TLK1: variants seen among roughly 807,000 people sequenced by gnomAD.
TLK1 encodes the protein tousled like kinase 1, also known as serine/threonine-protein kinase tousled-like 1.
TLK1 carries 24 observed loss-of-function variants against 105.3 expected under a neutral mutation model. That is an observed-to-expected ratio of 0.23 (90% CI 0.17 to 0.32). The LOEUF is 0.32. Among genes scored for constraint, TLK1 ranks in the 10% least tolerant of loss-of-function variants. TLK1 has a pLI of 1.00. For missense variants in TLK1, 558 were observed against 910.5 expected (o/e 0.61, Z 4.98); for synonymous variants, 321 against 310.4 (o/e 1.03, Z -0.36).
Position 171,195,679 on chromosome 2 carries a change from ATTT to A in TLK1, c.-6+35463_-6+35465del, listed in dbSNP as rs1693260072. ...GTAAAATATTGTCTTCTTACATCTCATTTTGGTGGAGCATGTGGATAAACACCT... is the reference window on the plus strand; with the variant it reads ...GTAAAATATTGTCTTCTTACATCTCATGGTGGAGCATGTGGATAAACACCT... On this transcript the variant is annotated intron_variant, in intron 1 of 20. Coordinates refer to the TLK1 transcript ENST00000521943. Among the ~76,000 whole-genome samples, 4 of 152,124 alleles carry A rather than the reference ATTT, an allele frequency of 2.6e-5. No individual in the cohort carries two copies. In the South Asian group the frequency reaches 6.2e-4, roughly 24 times the overall value.
At chr2:171,149,099 C>CTTTTTTTTTTTTTT (rs11335300) in intron 1 of TLK1, among the ~76,000 whole-genome samples, 5 of 57,892 alleles carry the variant, frequency 8.6e-5, no homozygotes, top group Non-Finnish European at 1.5e-4. Flanking sequence ...AATTACTTTT[C>CTTTTTTTTTTTTTT]TTTTTTTTTT....
intron 1 of TLK1, among the ~76,000 whole-genome samples, chr2:171,134,963 CA>C (rs1353348334): frequency 6.6e-6 from 1 of 151,794 alleles, no homozygotes; most frequent in Non-Finnish European, 1.5e-5. Flanking sequence ...ACTTAGAGGA[CA>C]AAGTAAAATA....
chr2:171,059,880 G>C (rs568094801), intron 4 of TLK1: 1 of 969,846 alleles, frequency 1.0e-6, no homozygotes, highest in Non-Finnish European at 1.7e-6. Context: ...TGATCTGACA[G>C]GAGGCCGAGC....
intron 14 of TLK1, among the ~76,000 whole-genome samples, chr2:171,007,502 A>C (rs1684702582): frequency 6.6e-6 from 1 of 152,020 alleles, no homozygotes; most frequent in African/African-American, 2.4e-5. Context: ...AAAATTAAAA[A>C]GTTCCTAACA....
intron 2 of TLK1, among the ~76,000 whole-genome samples, chr2:171,088,159 T>C (rs545116909): frequency 1.3e-5 from 2 of 151,974 alleles, no homozygotes; most frequent in East Asian, 1.9e-4. Flanking sequence ...GGTGAAACCC[T>C]GTCCCTACAG....
chr2:171,219,876 C>T (rs1020133244), intron 1 of TLK1, among the ~76,000 whole-genome samples: 8 of 152,308 alleles, frequency 5.3e-5, no homozygotes, highest in Non-Finnish European at 1.0e-4. Context: ...GCTGGGATTA[C>T]AGGTGTGAGC....
Position 170,991,997 on chromosome 2 carries a change from A to G in TLK1, c.*1783T>C, listed in dbSNP as rs1683805663. 6.6e-6 allele frequency: 1 copy of G among 152,092 alleles called. No individual in the cohort carries two copies. The highest frequency in any genetic ancestry group is 1.5e-5 in the Non-Finnish European group (1 of 67,980). 9.4% of individuals were successfully genotyped at this position (152,092 alleles called of 1,614,324 possible). A position where few individuals can be genotyped will look rare whatever the true frequency, so the allele number is the denominator to read the frequency against. ...TGGTTCTAAGTGTTACTTACCCAGG[A>G]GTTGCCTTGATAATGGTTATTAGGT... On this transcript the variant is annotated 3_prime_UTR_variant, in exon 21 of 21. Transcript: ENST00000431350.
chr2:171,036,781 G>A (rs1184010930), intron 11 of TLK1, among the ~76,000 whole-genome samples: 1 of 152,140 alleles, frequency 6.6e-6, no homozygotes, highest in African/African-American at 2.4e-5. Flanking sequence ...ATTGAACTTT[G>A]AGCTTATGGG....
At chr2:171,056,588 C>T (rs1466135815) in intron 5 of TLK1, 22 bp from the exon 6 acceptor site, 1 of 1,587,308 alleles carries the variant, frequency 6.3e-7, no homozygotes, top group Non-Finnish European at 8.6e-7. Flanking sequence ...AAAAAGGAAG[C>T]ATTATTATTT....
At chr2:171,109,766 GTATA>G (rs1682561036) in intron 2 of TLK1, among the ~76,000 whole-genome samples, 5 of 152,160 alleles carry the variant, frequency 3.3e-5, no homozygotes. Flanking sequence ...CATAACTGTG[GTATA>G]TCCATACAGT....
In TLK1 at chr2:171,220,711, T is replaced by C. The variant is rs1693792554; in HGVS notation, c.-6+10434A>G. Among the ~76,000 whole-genome samples, 5 of 152,068 alleles carry C rather than the reference T, an allele frequency of 3.3e-5. No homozygotes were observed. In the South Asian group the frequency reaches 1.0e-3, roughly 32 times the overall value. On this transcript the variant is annotated intron_variant, in intron 1 of 20. Coordinates refer to the TLK1 transcript ENST00000521943. Reference sequence around the variant, plus strand: ...CCCCTCACCCATACAACTATGAAGATAGTGTTTGTTTTTTTTTTTGAGTCA... The same window carrying C: ...CCCCTCACCCATACAACTATGAAGACAGTGTTTGTTTTTTTTTTTGAGTCA...
intron 1 of TLK1, among the ~76,000 whole-genome samples, chr2:171,222,393 G>A (rs112958105): frequency 1.4e-4 from 22 of 152,124 alleles, no homozygotes; most frequent in South Asian, 4.1e-4. Context: ...GGAGTGGGAC[G>A]ATCACAGCTC....
At chr2:171,073,527 C>A (rs1688356102) in intron 3 of TLK1, among the ~76,000 whole-genome samples, 1 of 152,044 alleles carries the variant, frequency 6.6e-6, no homozygotes, top group African/African-American at 2.4e-5. Context: ...TATTCTTCTA[C>A]CTTTATGGAA....
rs920156775 is a variant in TLK1 at position 171,058,998 on chromosome 2, A to G, written c.407-801T>C. On this transcript the variant is annotated intron_variant, in intron 4 of 20. Transcript: ENST00000431350. ...AACAAATATTTCTTAAGTGGTTACT[A>G]TGTGCCAGGCATTACTAAGATGAAA... Among the ~76,000 whole-genome samples, 46 of 152,344 alleles carry G rather than the reference A, an allele frequency of 3.0e-4. 1 individual carries two copies. The highest frequency in any genetic ancestry group is 2.5e-3 in the Admixed American group (38 of 15,304).
rs573522801 is a variant in TLK1, at chr2:171,192,466, T to C, written c.-6+38679A>G. ...AGGCCGAGGCGGGCGGATCACGAGG[T>C]CAGGAGATCAAGACCATCGTGGCTA... On this transcript the variant is annotated intron_variant, in intron 1 of 20. Coordinates refer to the TLK1 transcript ENST00000521943. Among the ~76,000 whole-genome samples, 260 of 152,162 alleles carry C rather than the reference T, an allele frequency of 1.7e-3. 1 individual carries two copies. Among genetic ancestry groups the C allele is most frequent in the Non-Finnish European group, 2.6e-3 (176 of 67,996 alleles).
chr2:171,117,103 T>C (rs1022773492), intron 2 of TLK1, among the ~76,000 whole-genome samples: 7 of 152,028 alleles, frequency 4.6e-5, no homozygotes, highest in Non-Finnish European at 5.9e-5. Context: ...AATTTTTCCA[T>C]GAAAAAAGAG....
intron 11 of TLK1, 80 bp downstream of exon 11, chr2:171,046,094 A>T (rs6751462): frequency 0.98 from 1,242,396 of 1,266,440 alleles, 611,810 homozygotes; most frequent in East Asian, 1. Context: ...CTAAGTATTA[A>T]TTATAAATAA....
chr2:171,012,047 C>G (rs1049348837), intron 13 of TLK1, among the ~76,000 whole-genome samples: 5 of 151,634 alleles, frequency 3.3e-5, no homozygotes, highest in African/African-American at 4.8e-5. Context: ...ATACCTGGAA[C>G]CAGAAGTGTT....
chr2:171,083,728 T>C (rs984522736), intron 2 of TLK1, among the ~76,000 whole-genome samples: 6 of 152,216 alleles, frequency 3.9e-5, no homozygotes, highest in Admixed American at 3.9e-4. Context: ...AATTATATAA[T>C]TGAAATTAGA....
Sources: gnomAD v4.1 joint callset for allele counts (sites outside exome capture counted in the v4.1 genomes callset) on GRCh38, gnomAD v4.1.1 for gene constraint, MANE v1.5 for transcripts, NCBI Gene and HGNC (gene_info 2026-07-23, HGNC 2026-07-21) for gene names.